The following OTOGL variants were observed in gnomAD, a reference collection of about 807,000 sequenced individuals.
OTOGL encodes the protein otogelin-like protein.
In OTOGL, 285 loss-of-function variants were observed where a neutral mutation model predicts 318.5. That is an observed-to-expected ratio of 0.89 (90% confidence interval 0.81 to 0.99). OTOGL has a LOEUF of 0.99. Among genes scored for constraint, OTOGL ranks in the 50% least tolerant of loss-of-function variants. The pLI, the probability that OTOGL is intolerant of heterozygous loss-of-function variation, is 0.00. For missense variants in OTOGL, 2,899 were observed against 2,845.6 expected (o/e 1.02, Z -0.43); for synonymous variants, 987 against 936.5 (o/e 1.05, Z -0.99).
At chr12:80,342,753 T>C (rs1888862771) in intron 44 of OTOGL, among the ~76,000 whole-genome samples, 1 of 152,178 alleles carries the variant, frequency 6.6e-6, no homozygotes, top group African/African-American at 2.4e-5. Context: ...AGAAAATGAA[T>C]AGGGCGCTCT....
intron 9 of OTOGL, among the ~76,000 whole-genome samples, chr12:80,236,164 T>C (rs982450698): frequency 6.6e-6 from 1 of 152,134 alleles, no homozygotes; most frequent in African/African-American, 2.4e-5. Flanking sequence ...TCTGTACACA[T>C]AGGAAGAAAT....
At chr12:80,118,669 T>C (rs1316956483) in intron 1 of OTOGL, among the ~76,000 whole-genome samples, 1 of 152,190 alleles carries the variant, frequency 6.6e-6, no homozygotes, top group Non-Finnish European at 1.5e-5. Context: ...GGAGTTTTTT[T>C]CCTACTAATA....
chr12:80,231,836 A>G (rs1879391370), intron 8 of OTOGL, among the ~76,000 whole-genome samples: 1 of 148,166 alleles, frequency 6.7e-6, no homozygotes, highest in Non-Finnish European at 1.5e-5. Context: ...ACGGGGTTTC[A>G]CTGTGTTGGC....
intron 47 of OTOGL, 60 bp from the exon 48 acceptor site, chr12:80,356,356 T>C (rs1350957895): frequency 3.0e-6 from 4 of 1,322,138 alleles, no homozygotes. Flanking sequence ...ATTTCCCTGC[T>C]TTGAGTTGGC....
At chr12:80,185,369 G>A (rs913174842) in intron 1 of OTOGL, among the ~76,000 whole-genome samples, 1 of 152,072 alleles carries the variant, frequency 6.6e-6, no homozygotes, top group African/African-American at 2.4e-5. Flanking sequence ...TGCAACCTCT[G>A]CCTCCTGGGT....
At chr12:80,226,825 T>G (rs555181542) in intron 7 of OTOGL, among the ~76,000 whole-genome samples, 1 of 152,298 alleles carries the variant, frequency 6.6e-6, no homozygotes, top group Admixed American at 6.5e-5. Context: ...CTAAGTTGGT[T>G]CCTGGAAAGG....
Position 80,378,033 on chromosome 12 carries a change from G to A in OTOGL, c.7047G>A (p.Thr2349=), listed in dbSNP as rs2717477. 1,275,514 of 1,577,228 alleles carry A rather than the reference G, an allele frequency of 0.81. 521,972 individuals are homozygous for A. The highest frequency in any genetic ancestry group is 0.84 in the Non-Finnish European group (972,691 of 1,159,058). The change falls in exon 59 of 59, where the codon ACG becomes ACA. Residue 2349 remains threonine (T), a synonymous_variant. Transcript: ENST00000547103. The part of the protein sequence containing the change: ...MYTLQEPIDC[T]CQWN Reference sequence around the variant, plus strand: ...CTCTCCAGGAACCCATAGACTGTACGTGCCAGTGGAATTAAACCCTTGGGT... The same window carrying A: ...CTCTCCAGGAACCCATAGACTGTACATGCCAGTGGAATTAAACCCTTGGGT...
At chr12:80,221,945 A>T (rs1266979383) in intron 6 of OTOGL, 146 bp from the exon 7 acceptor site, 18 of 820,654 alleles carry the variant, frequency 2.2e-5, no homozygotes, top group Non-Finnish European at 2.1e-5. Context: ...AGCAACTGTT[A>T]ATTTTATGTT....
chr12:80,347,765 C>T (rs553415886), intron 44 of OTOGL, among the ~76,000 whole-genome samples: 1 of 151,994 alleles, frequency 6.6e-6, no homozygotes, highest in African/African-American at 2.4e-5. Flanking sequence ...CCTCTTTCTC[C>T]ACATCCTCTC....
At chr12:80,261,599 T>C (rs1882530839) in intron 18 of OTOGL, among the ~76,000 whole-genome samples, 1 of 152,124 alleles carries the variant, frequency 6.6e-6, no homozygotes, top group Non-Finnish European at 1.5e-5. Context: ...GTTTTGGTTG[T>C]GTGAGTGTAT....
intron 1 of OTOGL, among the ~76,000 whole-genome samples, chr12:80,150,809 G>C (rs1872739422): frequency 6.6e-6 from 1 of 152,120 alleles, no homozygotes; most frequent in South Asian, 2.1e-4. Context: ...GTACCCTACT[G>C]TAAGTCTAGA....
At position 80,323,713 on chromosome 12, in the gene OTOGL, T is replaced by C; in HGVS notation, c.4082-10T>C. On this transcript the variant is annotated splice_polypyrimidine_tract_variant and intron_variant, in intron 34 of 58. Coordinates refer to ENST00000547103, the MANE Select transcript of OTOGL (RefSeq NM_001378609.3). The stretch of plus-strand genomic sequence containing the variant: ...AATATGCACACAATCTAAACTTTAT[T>C]TTTTCCCAGAAATCCAGGCAGCAGT... 1 of 1,600,778 alleles carries C rather than the reference T, an allele frequency of 6.2e-7. No individual in the cohort carries two copies. The highest frequency in any genetic ancestry group is 8.6e-7 in the Non-Finnish European group (1 of 1,168,588).
chr12:80,345,421 G>A (rs1010363129), intron 44 of OTOGL, among the ~76,000 whole-genome samples: 10 of 151,184 alleles, frequency 6.6e-5, no homozygotes, highest in African/African-American at 2.4e-4. Flanking sequence ...ATTTTTAATA[G>A]AGATGGAGTT....
At position 80,271,934 on chromosome 12, in the gene OTOGL, G is replaced by C. The variant is rs1360297541; in HGVS notation, c.2681+124G>C. 13 of 1,087,888 alleles carry C rather than the reference G, an allele frequency of 1.2e-5. No individual in the cohort carries two copies. In the Admixed American group the frequency reaches 3.3e-4, roughly 28 times the overall value. The allele number at this position is 1,087,888 out of a possible 1,614,324, so 67.4% of individuals were successfully genotyped here. A position where few individuals can be genotyped will look rare whatever the true frequency, so the allele number is the denominator to read the frequency against. On this transcript the variant is annotated intron_variant, in intron 24 of 58. Coordinates refer to ENST00000547103, the MANE Select transcript of OTOGL (RefSeq NM_001378609.3). ...TGACTAGTGGTTAACTGGGTTGGTA[G>C]CTAGAAGACTATTGTGATTGTTTTG...
At chr12:80,102,527 G>A (rs1869201923) in intron 1 of OTOGL, among the ~76,000 whole-genome samples, 1 of 152,010 alleles carries the variant, frequency 6.6e-6, no homozygotes, top group South Asian at 2.1e-4. Context: ...AGTATTTCTT[G>A]AACCGGCTAC....
intron 4 of OTOGL, among the ~76,000 whole-genome samples, chr12:80,213,056 G>T (rs1426178716): frequency 2.0e-5 from 3 of 152,310 alleles, no homozygotes; most frequent in Admixed American, 1.3e-4. Flanking sequence ...TGAAAGAATG[G>T]CTACTCCATA....
chr12:80,182,366 C>A (rs1874984997), intron 1 of OTOGL, among the ~76,000 whole-genome samples: 1 of 152,086 alleles, frequency 6.6e-6, no homozygotes. Flanking sequence ...GGCAATAGAG[C>A]CAGTTAAATC....
chr12:80,163,173 G>T (rs1451831117), intron 1 of OTOGL, among the ~76,000 whole-genome samples: 7 of 152,086 alleles, frequency 4.6e-5, no homozygotes, highest in African/African-American at 7.2e-5. Context: ...ATAAGTTGCT[G>T]ATGATAGGGC....
At chr12:80,177,478 C>T (rs954875044) in intron 1 of OTOGL, among the ~76,000 whole-genome samples, 3 of 152,024 alleles carry the variant, frequency 2.0e-5, no homozygotes, top group Admixed American at 2.0e-4. Flanking sequence ...TCATTGTCTG[C>T]CTTAACACAA....
Sources: gnomAD v4.1 joint callset for allele counts (sites outside exome capture counted in the v4.1 genomes callset) on GRCh38, gnomAD v4.1.1 for gene constraint, MANE v1.5 for transcripts, NCBI Gene and HGNC (gene_info 2026-07-23, HGNC 2026-07-21) for gene names.